FRMD6: variants seen among roughly 807,000 people sequenced by gnomAD.
The protein encoded by FRMD6 is FERM domain-containing protein 6.
In FRMD6, 37 loss-of-function variants were observed where a neutral mutation model predicts 73.2. That is an observed-to-expected ratio of 0.51 (90% CI 0.39 to 0.66). The LOEUF is 0.66. Among genes scored for constraint, FRMD6 ranks in the 30% least tolerant of loss-of-function variants. The pLI, the probability that FRMD6 is intolerant of heterozygous loss-of-function variation, is 0.00. For missense variants in FRMD6, 714 were observed against 780.5 expected, an observed-to-expected ratio of 0.91 and a Z score of 1.02; for synonymous variants, 273 against 282.2, an observed-to-expected ratio of 0.97 and a Z score of 0.33.
At chr14:51,402,116 A>G in the FRMD6 span, among the ~76,000 whole-genome samples, 1 of 152,232 alleles carries the variant, frequency 6.6e-6, no homozygotes, top group Non-Finnish European at 1.5e-5. Flanking sequence ...CTATTGGCAG[A>G]TATCTGTGTG....
chr14:51,630,841 A>T (rs149012820), intron 2 of FRMD6, among the ~76,000 whole-genome samples: 68 of 152,356 alleles, frequency 4.5e-4, no homozygotes, highest in African/African-American at 1.5e-3. Context: ...GGGATTTTAC[A>T]ATGGCCAATT....
the FRMD6 span, chr14:51,454,639 G>A: frequency 3.3e-4 from 51 of 152,340 alleles, no homozygotes; most frequent in African/African-American, 1.0e-3. Context: ...CCAGCAGTCT[G>A]GTGTCATAGG....
the FRMD6 span, among the ~76,000 whole-genome samples, chr14:51,444,808 T>C: frequency 6.6e-6 from 1 of 152,166 alleles, no homozygotes; most frequent in Non-Finnish European, 1.5e-5. Context: ...ATCTGTGTGC[T>C]TGAGAGCTCC....
At chr14:51,664,251 C>T (rs1049605924) in intron 1 of FRMD6, among the ~76,000 whole-genome samples, 1 of 152,128 alleles carries the variant, frequency 6.6e-6, no homozygotes, top group Non-Finnish European at 1.5e-5. Flanking sequence ...AAAATTGCCT[C>T]GTTAAAATTT....
intron 1 of FRMD6, among the ~76,000 whole-genome samples, chr14:51,521,308 A>C (rs558837998): frequency 8.5e-5 from 13 of 152,258 alleles, no homozygotes; most frequent in Admixed American, 2.0e-4. Context: ...AAATACACCA[A>C]AGTAAAACTC....
rs1887687461 is a variant in FRMD6 at position 51,564,809 on chromosome 14, A to G, written c.-209-5539A>G. On this transcript the variant is annotated intron_variant, in intron 1 of 14. Transcript: ENST00000356218. ...AAAAATCAGGTACCATGTCACTCAC[A>G]GAAAGTTTATCAACATGTGGGATAT... Among the ~76,000 whole-genome samples, 2 of 152,244 alleles carry G rather than the reference A, an allele frequency of 1.3e-5. 1 individual carries two copies. Among genetic ancestry groups the G allele is most frequent in the South Asian group, 4.1e-4 (2 of 4,832 alleles).
At chr14:51,714,202 C>A (rs1897113628) in intron 9 of FRMD6, 1 of 152,100 alleles carries the variant, frequency 6.6e-6, no homozygotes, top group Admixed American at 6.5e-5. Flanking sequence ...CCTAGACTTG[C>A]TTTGAGGATT....
chr14:51,501,333 A>C (rs1277150735), intron 1 of FRMD6, among the ~76,000 whole-genome samples: 1 of 152,126 alleles, frequency 6.6e-6, no homozygotes, highest in African/African-American at 2.4e-5. Context: ...TAAGCCCAGC[A>C]TCCATAAACT....
chr14:51,459,882 CTCTTTTTTTTTT>C, the FRMD6 span, among the ~76,000 whole-genome samples: 2 of 23,430 alleles, frequency 8.5e-5, no homozygotes, highest in African/African-American at 2.2e-4. Flanking sequence ...ATTACTGACT[CTCTTTTTTTTTT>C]TTTTTTTTTT....
chr14:51,455,734 A>C, the FRMD6 span, among the ~76,000 whole-genome samples: 1 of 152,184 alleles, frequency 6.6e-6, no homozygotes, highest in Admixed American at 6.5e-5. Flanking sequence ...ATTTGGAGGC[A>C]AAGCAAACGT....
At chr14:51,570,471 G>A (rs1051882331) in intron 2 of FRMD6, 1 of 152,128 alleles carries the variant, frequency 6.6e-6, no homozygotes, top group African/African-American at 2.4e-5. Context: ...CGAAGTTTAA[G>A]AAATCTAAAG....
the FRMD6 span, among the ~76,000 whole-genome samples, chr14:51,418,488 CTGCAGAACAGCAAATAT>C: frequency 2.6e-5 from 4 of 152,200 alleles, no homozygotes; most frequent in Non-Finnish European, 4.4e-5. Flanking sequence ...CCAGTAGAGG[CTGCAGAACAGCAAATAT>C]TGCAGAACAG....
chr14:51,581,171 C>T (rs1361871499), intron 2 of FRMD6, among the ~76,000 whole-genome samples: 3 of 152,172 alleles, frequency 2.0e-5, no homozygotes, highest in Non-Finnish European at 4.4e-5. Flanking sequence ...AACCTGCCCC[C>T]ATTCCCCTAA....
At chr14:51,502,204 T>A (rs1038636475) in intron 1 of FRMD6, among the ~76,000 whole-genome samples, 7 of 152,230 alleles carry the variant, frequency 4.6e-5, no homozygotes, top group African/African-American at 1.7e-4. Flanking sequence ...TTAGATTAAT[T>A]AGATTCTATT....
intron 1 of FRMD6, among the ~76,000 whole-genome samples, chr14:51,682,153 T>C (rs988447985): frequency 6.6e-6 from 1 of 152,216 alleles, no homozygotes; most frequent in African/African-American, 2.4e-5. Context: ...GTGTTAGTGA[T>C]TTATTTTGAA....
the FRMD6 span, among the ~76,000 whole-genome samples, chr14:51,433,231 A>G: frequency 6.6e-6 from 1 of 152,338 alleles, no homozygotes; most frequent in East Asian, 1.9e-4. Context: ...GACAGTACAT[A>G]TATACAAGAT....
At chr14:51,429,032 G>GGAGAGAGAGAGAGAAAAGAGAAGAGAA in the FRMD6 span, among the ~76,000 whole-genome samples, 5 of 137,980 alleles carry the variant, frequency 3.6e-5, no homozygotes, top group South Asian at 2.4e-4. Context: ...GAGAGAGAGG[G>GGAGAGAGAGAGAGAAAAGAGAAGAGAA]GAGAGAAAAG....
At chr14:51,410,378 T>C in the FRMD6 span, among the ~76,000 whole-genome samples, 1 of 152,236 alleles carries the variant, frequency 6.6e-6, no homozygotes, top group Non-Finnish European at 1.5e-5. Flanking sequence ...TTTTCTGTCA[T>C]ACCTATGGAG....
chr14:51,479,747 T>G, the FRMD6 span, among the ~76,000 whole-genome samples: 1 of 152,144 alleles, frequency 6.6e-6, no homozygotes, highest in Non-Finnish European at 1.5e-5. Context: ...ATAATAGAAC[T>G]GAGACTTGAG....
Sources: allele counts gnomAD v4.1 joint callset (sites outside exome capture counted in the v4.1 genomes callset), GRCh38; gene constraint gnomAD v4.1.1; transcripts MANE v1.5; gene names NCBI Gene and HGNC (gene_info 2026-07-23, HGNC 2026-07-21).